The following LPP variants were observed in gnomAD, a reference collection of about 807,000 sequenced individuals.
LPP encodes lipoma-preferred partner.
In LPP, 38 loss-of-function variants were observed where a neutral mutation model predicts 60.4. The observed-to-expected ratio is 0.63, with a 90% CI of 0.49 to 0.83. The LOEUF (loss-of-function observed/expected upper bound fraction) is 0.83, where lower values mean the gene tolerates loss of function less well. Ranked by LOEUF, LPP falls within the 40% of genes least tolerant of loss-of-function variation. The probability of loss-of-function intolerance (pLI) is 0.00; values close to 1 mark genes in which losing one functional copy is unlikely to be tolerated. For missense variants in LPP, 902 were observed against 783.6 expected (o/e 1.15, Z -1.80); for synonymous variants, 328 against 290.8 (o/e 1.13, Z -1.30).
intron 8 of LPP, among the ~76,000 whole-genome samples, chr3:188,752,149 G>A (rs1446699258): frequency 7.2e-5 from 11 of 152,128 alleles, no homozygotes; most frequent in African/African-American, 7.2e-5. Flanking sequence ...TACCTCCTCC[G>A]AATTTCATAG....
intron 7 of LPP, among the ~76,000 whole-genome samples, chr3:188,619,128 G>A (rs1845370592): frequency 6.6e-6 from 1 of 152,102 alleles, no homozygotes; most frequent in Non-Finnish European, 1.5e-5. Context: ...GGGTTCAAGT[G>A]ATTCTCCTGC....
chr3:188,381,866 C>T (rs1776992546), intron 3 of LPP, among the ~76,000 whole-genome samples: 2 of 151,812 alleles, frequency 1.3e-5, no homozygotes, highest in Admixed American at 6.6e-5. Context: ...GCTCTATTGC[C>T]CATGTTCCAG....
intron 6 of LPP, among the ~76,000 whole-genome samples, chr3:188,575,469 G>A (rs888312098): frequency 3.9e-5 from 6 of 152,132 alleles, no homozygotes; most frequent in African/African-American, 1.2e-4. Flanking sequence ...TCTTGCAGAT[G>A]AGGAAACAAG....
intron 7 of LPP, among the ~76,000 whole-genome samples, chr3:188,639,476 A>G (rs556087962): frequency 1.0e-3 from 157 of 152,142 alleles, no homozygotes; most frequent in South Asian, 8.3e-3. Context: ...CATGTCTAAA[A>G]CACCAAAAGC....
chr3:188,882,332 T>C lies in LPP; in HGVS notation c.*7853T>C, dbSNP rs764442497. The C allele has an allele frequency of 3.5e-5, 8 of 225,724 alleles. No individual in the cohort carries two copies. Among genetic ancestry groups the C allele is most frequent in the Non-Finnish European group, 7.0e-5 (8 of 113,482 alleles). The allele number at this position is 225,724 out of a possible 1,614,324, so 14.0% of individuals were successfully genotyped here. ...ACCCTCTGCATTGGCCAAAATATCA[T>C]GGATTCTGGAAATTCCTTCTTAACA... is the stretch of plus-strand genomic sequence containing the variant. On this transcript the variant is annotated 3_prime_UTR_variant, in exon 12 of 12. Transcript: ENST00000617246.
Position 188,428,358 on chromosome 3 carries a change from T to C in LPP, c.193+22045T>C, listed in dbSNP as rs1334297440. Among the ~76,000 whole-genome samples the C allele has an allele frequency of 3.3e-5, 5 of 152,192 alleles. No homozygotes were observed. In the East Asian group the frequency reaches 9.6e-4, roughly 29 times the overall value. On this transcript the variant is annotated intron_variant, in intron 4 of 11. Coordinates refer to ENST00000617246, the MANE Select transcript of LPP (RefSeq NM_001375462.1). ...GCTGCAGACTGGAGCTGTTCCTATT[T>C]GGCCATCTTCATCCTAAGTCCCATA... is the stretch of plus-strand genomic sequence containing the variant.
intron 2 of LPP, among the ~76,000 whole-genome samples, chr3:188,273,555 G>A (rs923898841): frequency 1.3e-5 from 2 of 148,336 alleles, no homozygotes; most frequent in African/African-American, 5.0e-5. Context: ...CTTTTGCCAG[G>A]TGATAAGTCC....
intron 2 of LPP, among the ~76,000 whole-genome samples, chr3:188,338,107 T>A (rs1184311383): frequency 6.6e-6 from 1 of 152,198 alleles, no homozygotes; most frequent in African/African-American, 2.4e-5. Flanking sequence ...TTCAACACAA[T>A]CAACCAGATG....
In LPP at chr3:188,497,770, T is replaced by G. The variant is rs949486570; in HGVS notation, c.306+13066T>G. ...TATTATCATTTTATATCAAGCCATTTTATAAGTAGAGATGTGTCTAGAGGA... is the reference window on the plus strand; with the variant it reads ...TATTATCATTTTATATCAAGCCATTGTATAAGTAGAGATGTGTCTAGAGGA... On this transcript the variant is annotated intron_variant, in intron 5 of 11. Transcript: ENST00000617246. 5.8e-4 allele frequency among the ~76,000 whole-genome samples: 89 copies of G among 152,308 alleles called. 1 individual carries two copies. The highest frequency in any genetic ancestry group is 2.0e-3 in the African/African-American group (83 of 41,574).
chr3:188,247,645 A>G (rs1045913196), intron 2 of LPP, among the ~76,000 whole-genome samples: 4 of 151,982 alleles, frequency 2.6e-5, no homozygotes, highest in Non-Finnish European at 5.9e-5. Flanking sequence ...CTAAAAATAC[A>G]AAAATTAGCT....
At chr3:188,505,343 C>T (rs1813147941) in intron 5 of LPP, among the ~76,000 whole-genome samples, 1 of 152,034 alleles carries the variant, frequency 6.6e-6, no homozygotes, top group Non-Finnish European at 1.5e-5. Context: ...CCTTCTTTAC[C>T]ACCCCCTCCT....
At chr3:188,710,197 A>G (rs1388483465) in intron 8 of LPP, 3 of 152,202 alleles carry the variant, frequency 2.0e-5, no homozygotes, top group Non-Finnish European at 2.9e-5. Flanking sequence ...CAGTCCAAAA[A>G]CACACAGTAG....
At chr3:188,518,388 T>C (rs1015886282) in intron 5 of LPP, among the ~76,000 whole-genome samples, 3 of 152,218 alleles carry the variant, frequency 2.0e-5, no homozygotes, top group Non-Finnish European at 4.4e-5. Flanking sequence ...ACAATGTAAT[T>C]TTTGTATTAT....
chr3:188,467,760 C>A (rs1265741307), intron 4 of LPP, among the ~76,000 whole-genome samples: 3 of 151,928 alleles, frequency 2.0e-5, no homozygotes, highest in Non-Finnish European at 4.4e-5. Context: ...GGGCCACAAG[C>A]CAAAGAATGA....
chr3:188,241,102 G>T (rs1372213232), intron 2 of LPP, among the ~76,000 whole-genome samples: 1 of 152,198 alleles, frequency 6.6e-6, no homozygotes, highest in East Asian at 1.9e-4. Context: ...TGTCAATAGA[G>T]GGTTAATGTT....
At chr3:188,619,053 T>C (rs1845356844) in intron 7 of LPP, among the ~76,000 whole-genome samples, 1 of 152,172 alleles carries the variant, frequency 6.6e-6, no homozygotes, top group Non-Finnish European at 1.5e-5. Context: ...AGACAGAGTG[T>C]CACTCTTGTC....
At chr3:188,506,672 A>C (rs1385480880) in intron 5 of LPP, among the ~76,000 whole-genome samples, 1 of 152,226 alleles carries the variant, frequency 6.6e-6, no homozygotes, top group Non-Finnish European at 1.5e-5. Flanking sequence ...TCCTAACCAC[A>C]ACTAGAGATT....
At chr3:188,307,764 T>A (rs1254924589) in intron 2 of LPP, among the ~76,000 whole-genome samples, 2 of 152,212 alleles carry the variant, frequency 1.3e-5, no homozygotes, top group Non-Finnish European at 2.9e-5. Flanking sequence ...CTTAGTCCTA[T>A]GAGATAAGCT....
intron 3 of LPP, 121 bp downstream of exon 3, chr3:188,341,840 A>G (rs915387308): frequency 7.0e-5 from 18 of 256,858 alleles, no homozygotes; most frequent in South Asian, 4.3e-4. Flanking sequence ...GAGGAAAAGA[A>G]CTGAAAAATG....
Sources: gnomAD v4.1 joint callset for allele counts (sites outside exome capture counted in the v4.1 genomes callset) on GRCh38, gnomAD v4.1.1 for gene constraint, MANE v1.5 for transcripts, NCBI Gene and HGNC (gene_info 2026-07-23, HGNC 2026-07-21) for gene names.